Variants in DNAAF9 observed in about 807,000 individuals in gnomAD.
DNAAF9 encodes the protein shulin.
In DNAAF9, 90 loss-of-function variants were observed where a neutral mutation model predicts 167.0. The ratio of observed to expected loss-of-function variants is 0.54; its 90% CI spans 0.45 to 0.64. The LOEUF is 0.64. DNAAF9 is among the 30% of genes least tolerant of loss of function. DNAAF9 has a pLI of 0.00. For missense variants in DNAAF9, 1,315 were observed against 1,442.2 expected (o/e 0.91, Z 1.43); for synonymous variants, 491 against 508.8 (o/e 0.96, Z 0.47).
chr20:3,336,779 T>TGACCTCAGGTAATCCGGCCTCCC (rs1256763200), intron 10 of DNAAF9, among the ~76,000 whole-genome samples: 1 of 151,804 alleles, frequency 6.6e-6, no homozygotes, highest in African/African-American at 2.4e-5. Context: ...CTTGAACTCC[T>TGACCTCAGGTAATCCGGCCTCCC]GACCTCAGGT....
intron 26 of DNAAF9, among the ~76,000 whole-genome samples, chr20:3,289,704 G>A (rs938970025): frequency 6.6e-6 from 1 of 151,908 alleles, no homozygotes; most frequent in Non-Finnish European, 1.5e-5. Context: ...ATTTTTGTAG[G>A]TTTTGCCATG....
chr20:3,332,458 C>CTT (rs1371184255), intron 10 of DNAAF9, 97 bp from the exon 11 acceptor site: 477 of 468,196 alleles, frequency 1.0e-3, no homozygotes, highest in East Asian at 1.2e-3. Context: ...AATAAATTTT[C>CTT]TTTTTTTTTT....
chr20:3,404,234 C>T (rs1244559042), intron 1 of DNAAF9, among the ~76,000 whole-genome samples: 1 of 152,174 alleles, frequency 6.6e-6, no homozygotes, highest in Non-Finnish European at 1.5e-5. Flanking sequence ...TGGGGTTTCA[C>T]CATGTTGGTC....
At chr20:3,398,234 A>G (rs1192949152) in intron 1 of DNAAF9, among the ~76,000 whole-genome samples, 1 of 152,184 alleles carries the variant, frequency 6.6e-6, no homozygotes, top group African/African-American at 2.4e-5. Flanking sequence ...AGGTAGTGAG[A>G]AGCAGACGAG....
Position 3,249,882 on chromosome 20 carries a change from G to A in DNAAF9, c.*2690C>T, listed in dbSNP as rs1418053679. 6.6e-6 allele frequency: 1 copy of A among 151,938 alleles called. No homozygotes were observed. Among genetic ancestry groups the A allele is most frequent in the Non-Finnish European group, 1.5e-5 (1 of 68,028 alleles). The allele number at this position is 151,938 out of a possible 1,614,324, so 9.4% of individuals were successfully genotyped here. ...CAGGCTTCAGGTCAGATAGCCCCCAGGGCTCAGAGGGGCCGGCTCAACTCC... is the reference window on the plus strand; with the variant it reads ...CAGGCTTCAGGTCAGATAGCCCCCAAGGCTCAGAGGGGCCGGCTCAACTCC... On this transcript the variant is annotated 3_prime_UTR_variant, in exon 37 of 37. Coordinates refer to ENST00000252032, the MANE Select transcript of DNAAF9 (RefSeq NM_001009984.3).
intron 27 of DNAAF9, among the ~76,000 whole-genome samples, chr20:3,286,659 C>T (rs533672090): frequency 2.0e-5 from 3 of 152,252 alleles, no homozygotes; most frequent in Admixed American, 6.5e-5. Context: ...GAACAAGGCT[C>T]GAAAGGGAAA....
chr20:3,390,446 A>G (rs1344550043), intron 1 of DNAAF9, among the ~76,000 whole-genome samples: 2 of 151,448 alleles, frequency 1.3e-5, no homozygotes, highest in East Asian at 3.9e-4. Flanking sequence ...GCTCACTGCA[A>G]CCTCTACCTC....
At chr20:3,400,951 T>C (rs886587280) in intron 1 of DNAAF9, among the ~76,000 whole-genome samples, 3 of 152,242 alleles carry the variant, frequency 2.0e-5, no homozygotes, top group Non-Finnish European at 4.4e-5. Context: ...CAAGCCTTCC[T>C]GGCCAGCATC....
At position 3,252,521 on chromosome 20, in the gene DNAAF9, C is replaced by T. The variant is rs776601591; in HGVS notation, c.*51G>A. The T allele has an allele frequency of 3.0e-5, 29 of 976,578 alleles. No homozygotes were observed. The highest frequency in any genetic ancestry group is 3.7e-5 in the Non-Finnish European group (22 of 599,788). The allele number at this position is 976,578 out of a possible 1,614,324, so 60.5% of individuals were successfully genotyped here. ...CAGAGCTGAGGTTAAGACACCCGTT[C>T]GTCCATCTCCAAGGTGGACATTCTG... On this transcript the variant is annotated 3_prime_UTR_variant, in exon 37 of 37. Coordinates refer to ENST00000252032, the MANE Select transcript of DNAAF9 (RefSeq NM_001009984.3).
intron 3 of DNAAF9, among the ~76,000 whole-genome samples, chr20:3,376,970 G>A (rs1433617979): frequency 2.6e-5 from 4 of 152,220 alleles, no homozygotes; most frequent in African/African-American, 9.6e-5. Context: ...TCAGGAGGCT[G>A]AGGCAGGAGA....
chr20:3,369,694 G>A (rs2083483400), intron 6 of DNAAF9, among the ~76,000 whole-genome samples: 1 of 152,088 alleles, frequency 6.6e-6, no homozygotes, highest in Admixed American at 6.5e-5. Flanking sequence ...AACTTTAAAG[G>A]TTAAAGTCTT....
At chr20:3,317,530 A>G (rs2069526209) in intron 17 of DNAAF9, among the ~76,000 whole-genome samples, 1 of 152,144 alleles carries the variant, frequency 6.6e-6, no homozygotes, top group Admixed American at 6.6e-5. Context: ...TTCATTCCTT[A>G]GAATATAATA....
At chr20:3,262,761 G>C (rs1466322991) in intron 31 of DNAAF9, among the ~76,000 whole-genome samples, 1 of 152,088 alleles carries the variant, frequency 6.6e-6, no homozygotes, top group East Asian at 1.9e-4. Context: ...CTGGAAAGAA[G>C]GTTCCCCCAG....
intron 10 of DNAAF9, among the ~76,000 whole-genome samples, chr20:3,336,661 T>G (rs6037555): frequency 0.21 from 31,217 of 151,952 alleles, 3,509 homozygotes; most frequent in African/African-American, 0.28. Flanking sequence ...GTGATTCTCC[T>G]GCCTCAGCCT....
intron 8 of DNAAF9, among the ~76,000 whole-genome samples, chr20:3,347,372 A>G (rs1326670906): frequency 1.3e-5 from 2 of 152,190 alleles, no homozygotes; most frequent in Non-Finnish European, 2.9e-5. Context: ...TTATCATCAG[A>G]AGATTAATAC....
At chr20:3,345,554 A>G (rs894875092) in intron 8 of DNAAF9, among the ~76,000 whole-genome samples, 1 of 152,246 alleles carries the variant, frequency 6.6e-6, no homozygotes, top group South Asian at 2.1e-4. Flanking sequence ...AAGTAGATCC[A>G]TATCTCACAA....
At chr20:3,257,238 G>A (rs959780723) in intron 33 of DNAAF9, among the ~76,000 whole-genome samples, 1 of 152,136 alleles carries the variant, frequency 6.6e-6, no homozygotes, top group South Asian at 2.1e-4. Context: ...GAGGCTGGGT[G>A]TGGTGGCTAA....
At chr20:3,252,717 C>T (rs936128684) in intron 36 of DNAAF9, 33 bp from the exon 37 acceptor site, 3 of 1,343,064 alleles carry the variant, frequency 2.2e-6, no homozygotes, top group Non-Finnish European at 3.2e-6. Context: ...AGCTCTGAGC[C>T]TGGAGGACAA....
intron 31 of DNAAF9, among the ~76,000 whole-genome samples, 155 bp downstream of exon 31, chr20:3,264,283 G>A (rs1250184824): frequency 6.6e-6 from 1 of 152,222 alleles, no homozygotes; most frequent in Non-Finnish European, 1.5e-5. Context: ...GGCAAGGCCA[G>A]CAGCTGCCGG....
Sources: allele counts gnomAD v4.1 joint callset (sites outside exome capture counted in the v4.1 genomes callset), GRCh38; gene constraint gnomAD v4.1.1; transcripts MANE v1.5; gene names NCBI Gene and HGNC (gene_info 2026-07-23, HGNC 2026-07-21).